GRK3: variants seen among roughly 807,000 people sequenced by gnomAD.
GRK3 encodes the protein G protein-coupled receptor kinase 3.
A neutral mutation model predicts 95.7 loss-of-function variants in GRK3; 54 were observed. The ratio of observed to expected loss-of-function variants is 0.56; its 90% CI spans 0.45 to 0.71. GRK3 has a LOEUF of 0.71. Ranked by LOEUF, GRK3 falls within the 30% of genes least tolerant of loss-of-function variation. GRK3 has a pLI of 0.00. For synonymous variants in GRK3, 281 were observed against 290.8 expected (o/e 0.97, Z 0.34); for missense variants, 649 against 851.2 (o/e 0.76, Z 2.96).
In GRK3 at chr22:25,649,215, CA is replaced by C. The variant is rs2084810182; in HGVS notation, c.264+4551del. The C allele has an allele frequency of 2.3e-6, 3 of 1,291,622 alleles. No individual in the cohort carries two copies. In the East Asian group the frequency reaches 6.9e-5, roughly 30 times the overall value. The allele number at this position is 1,291,622 out of a possible 1,614,324, so 80.0% of individuals were successfully genotyped here. The stretch of plus-strand genomic sequence containing the variant: ...CTTCACTGCTACAGAGCCATAGTAC[CA>C]GCCAGGAGAAAACTTCTAATTCAAG... On this transcript the variant is annotated intron_variant, in intron 3 of 20. Coordinates refer to ENST00000324198, the MANE Select transcript of GRK3 (RefSeq NM_005160.4).
intron 12 of GRK3, among the ~76,000 whole-genome samples, chr22:25,692,559 C>T (rs1376938015): frequency 6.6e-6 from 1 of 152,246 alleles, no homozygotes; most frequent in African/African-American, 2.4e-5. Flanking sequence ...AGAACTGTGT[C>T]CCCTAAGTGA....
intron 4 of GRK3, among the ~76,000 whole-genome samples, chr22:25,662,953 A>G (rs780375479): frequency 6.6e-6 from 1 of 152,140 alleles, no homozygotes; most frequent in African/African-American, 2.4e-5. Context: ...TGGTTACAGT[A>G]AGACTTTCCT....
chr22:25,586,329 A>G (rs967260967), intron 1 of GRK3, among the ~76,000 whole-genome samples: 3 of 152,294 alleles, frequency 2.0e-5, no homozygotes, highest in African/African-American at 7.2e-5. Context: ...ACTATAGTCA[A>G]TAATAACTTA....
chr22:25,646,973 A>G (rs2084787644), intron 3 of GRK3, among the ~76,000 whole-genome samples: 1 of 142,008 alleles, frequency 7.0e-6, no homozygotes, highest in South Asian at 2.3e-4. Context: ...GTGAGCTGAT[A>G]TCTTGCCATT....
chr22:25,688,153 G>A (rs1216019069), intron 11 of GRK3, among the ~76,000 whole-genome samples: 2 of 150,026 alleles, frequency 1.3e-5, no homozygotes, highest in African/African-American at 2.5e-5. Context: ...GGAGAACGGA[G>A]TGAACCTGGG....
At chr22:25,611,768 A>C (rs1310368614) in intron 2 of GRK3, among the ~76,000 whole-genome samples, 1 of 151,528 alleles carries the variant, frequency 6.6e-6, no homozygotes, top group Non-Finnish European at 1.5e-5. Context: ...CTTTTGAAGC[A>C]CAGGTTTTAT....
chr22:25,633,565 A>G (rs984055872), intron 2 of GRK3, among the ~76,000 whole-genome samples: 5 of 152,072 alleles, frequency 3.3e-5, no homozygotes, highest in African/African-American at 1.2e-4. Context: ...TTTTAATGTT[A>G]TTATTAATTG....
At chr22:25,604,241 A>G in intron 1 of GRK3, 136 bp from the exon 2 acceptor site, 1 of 572,368 alleles carries the variant, frequency 1.7e-6, no homozygotes, top group Non-Finnish European at 2.9e-6. Flanking sequence ...GCTGGTCTGC[A>G]TTTCACGCAG....
At chr22:25,657,425 T>A (rs1278749504) in intron 3 of GRK3, among the ~76,000 whole-genome samples, 2 of 152,200 alleles carry the variant, frequency 1.3e-5, no homozygotes, top group Non-Finnish European at 2.9e-5. Context: ...AATGTGTCTA[T>A]CTCTGGTAAT....
chr22:25,628,753 G>T (rs2084644601), intron 2 of GRK3, among the ~76,000 whole-genome samples: 1 of 152,220 alleles, frequency 6.6e-6, no homozygotes, highest in African/African-American at 2.4e-5. Context: ...GTCACAGGTT[G>T]TCACAAGCCT....
At chr22:25,602,444 A>T (rs2084415709) in intron 1 of GRK3, among the ~76,000 whole-genome samples, 1 of 152,238 alleles carries the variant, frequency 6.6e-6, no homozygotes, top group African/African-American at 2.4e-5. Flanking sequence ...ATGATTTTCC[A>T]TATGACCAAC....
intron 12 of GRK3, among the ~76,000 whole-genome samples, chr22:25,692,509 G>A (rs1010852750): frequency 2.0e-5 from 3 of 152,238 alleles, no homozygotes; most frequent in Non-Finnish European, 4.4e-5. Flanking sequence ...GCCACGGTAA[G>A]ACAGAGCTGA....
chr22:25,607,634 T>C (rs2084461537), intron 2 of GRK3, among the ~76,000 whole-genome samples: 1 of 152,150 alleles, frequency 6.6e-6, no homozygotes, highest in South Asian at 2.1e-4. Flanking sequence ...TGGAGTGCAG[T>C]GGCACAATCT....
intron 2 of GRK3, among the ~76,000 whole-genome samples, chr22:25,629,738 A>G (rs1346531916): frequency 6.6e-6 from 1 of 152,164 alleles, no homozygotes; most frequent in Non-Finnish European, 1.5e-5. Flanking sequence ...ACCCATGGAA[A>G]GTTTCAAAGC....
rs541182418 is a variant in GRK3, at chr22:25,693,853, C to T, written c.1053-1254C>T. On this transcript the variant is annotated intron_variant, in intron 12 of 20. Coordinates refer to ENST00000324198, the MANE Select transcript of GRK3 (RefSeq NM_005160.4). ...GGAGTGCAATGGCACCATCTCAGCTCACCATAACCTCTGCCTCTGCCTCTG... is the reference window on the plus strand; with the variant it reads ...GGAGTGCAATGGCACCATCTCAGCTTACCATAACCTCTGCCTCTGCCTCTG... Among the ~76,000 whole-genome samples, 38 of 147,822 alleles carry T rather than the reference C, an allele frequency of 2.6e-4. 1 individual carries two copies. The East Asian group carries it at 7.2e-3, about 28-fold the overall frequency.
chr22:25,647,020 C>CAAAAAAAAAAAAAAAAA (rs1025786169), intron 3 of GRK3, among the ~76,000 whole-genome samples: 53 of 53,894 alleles, frequency 9.8e-4, no homozygotes, highest in African/African-American at 2.3e-3. Context: ...GACTTTGTCT[C>CAAAAAAAAAAAAAAAAA]AAAAAAAAAA....
chr22:25,618,331 C>A (rs1427750464), intron 2 of GRK3, among the ~76,000 whole-genome samples: 1 of 152,338 alleles, frequency 6.6e-6, no homozygotes, highest in Admixed American at 6.5e-5. Context: ...TTATTTATAT[C>A]ACAGTGAAAT....
At chr22:25,712,714 T>G (rs959161991) in intron 17 of GRK3, among the ~76,000 whole-genome samples, 5 of 152,256 alleles carry the variant, frequency 3.3e-5, no homozygotes, top group African/African-American at 1.2e-4. Context: ...ATTGCCAAGC[T>G]TTCTCTGAGG....
chr22:25,695,170 C>T lies in GRK3; in HGVS notation c.1116C>T (p.Ala372=), dbSNP rs779124748. Residue 372 remains alanine, a synonymous_variant, in exon 13 of 21, where the codon GCC becomes GCT. Transcript: ENST00000324198. ...AGGGGACGGCCTATGACAGCAGTGC[C>T]GACTGGTTCTCCCTGGGCTGCATGC... ...LQKGTAYDSS[A]DWFSLGCMLF... 54 of 1,614,114 alleles carry T rather than the reference C, an allele frequency of 3.3e-5. No individual in the cohort carries two copies. Among genetic ancestry groups the T allele is most frequent in the Non-Finnish European group, 4.4e-5 (52 of 1,179,988 alleles).
Sources: gnomAD v4.1 joint callset for allele counts (sites outside exome capture counted in the v4.1 genomes callset) on GRCh38, gnomAD v4.1.1 for gene constraint, MANE v1.5 for transcripts, NCBI Gene and HGNC (gene_info 2026-07-23, HGNC 2026-07-21) for gene names.